Variants in MME observed in about 807,000 individuals in gnomAD.
The protein encoded by MME is neprilysin.
In MME, 98 loss-of-function variants were observed where a neutral mutation model predicts 113.2. The ratio of observed to expected loss-of-function variants is 0.87; its 90% CI spans 0.74 to 1.02. The LOEUF (loss-of-function observed/expected upper bound fraction) is 1.02. MME is among the 50% of genes least tolerant of loss of function. MME has a pLI of 0.00. For synonymous variants in MME, 292 were observed against 300.6 expected, an observed-to-expected ratio of 0.97 and a Z score of 0.30; for missense variants, 836 against 896.0, an observed-to-expected ratio of 0.93 and a Z score of 0.86.
At chr3:155,043,623 C>T (rs761481830) in intron 1 of MME, among the ~76,000 whole-genome samples, 11 of 152,182 alleles carry the variant, frequency 7.2e-5, no homozygotes, top group South Asian at 4.2e-4. Flanking sequence ...TGAGCCACTG[C>T]GTCCAGCCTT....
chr3:155,055,847 T>C (rs1456884181), intron 1 of MME, among the ~76,000 whole-genome samples: 1 of 152,224 alleles, frequency 6.6e-6, no homozygotes, highest in Admixed American at 6.5e-5. Context: ...TTCATTTTTC[T>C]AATTGTATGC....
intron 3 of MME, among the ~76,000 whole-genome samples, chr3:155,104,939 G>A (rs1251559594): frequency 6.6e-6 from 1 of 152,070 alleles, no homozygotes; most frequent in African/African-American, 2.4e-5. Flanking sequence ...AATTGCACCT[G>A]AAAAAGAAAA....
At chr3:155,137,032 T>C (rs1007445796) in intron 8 of MME, among the ~76,000 whole-genome samples, 17 of 152,342 alleles carry the variant, frequency 1.1e-4, no homozygotes, top group Non-Finnish European at 2.9e-5. Context: ...CATTTCCTAG[T>C]GTTCTTGCCA....
chr3:155,100,153 C>T (rs1717081375), intron 3 of MME, among the ~76,000 whole-genome samples: 1 of 152,174 alleles, frequency 6.6e-6, no homozygotes, highest in South Asian at 2.1e-4. Flanking sequence ...ATTTACTCAT[C>T]TGACAAAGGG....
chr3:155,096,616 G>T (rs1442624813), intron 3 of MME, among the ~76,000 whole-genome samples: 3 of 152,164 alleles, frequency 2.0e-5, no homozygotes. Context: ...TAGAAATAAA[G>T]AATGGCTGTG....
chr3:155,070,000 G>A (rs921758154), intron 1 of MME, among the ~76,000 whole-genome samples: 17 of 152,092 alleles, frequency 1.1e-4, no homozygotes, highest in Admixed American at 4.6e-4. Context: ...TGTAACTGCC[G>A]CCTCTACCAA....
intron 1 of MME, among the ~76,000 whole-genome samples, chr3:155,058,385 A>G (rs1170474147): frequency 6.6e-6 from 1 of 152,224 alleles, no homozygotes; most frequent in Admixed American, 6.5e-5. Flanking sequence ...GACAAAGTCC[A>G]GTTCTAAATA....
chr3:155,115,815 T>C (rs779876716), intron 4 of MME, among the ~76,000 whole-genome samples: 1 of 152,202 alleles, frequency 6.6e-6, no homozygotes, highest in Non-Finnish European at 1.5e-5. Flanking sequence ...ACCCAAACCC[T>C]GTGTTAAAGT....
In MME at chr3:155,180,994, AT is replaced by A. The variant is rs1156704274; in HGVS notation, c.*540del. On this transcript the variant is annotated 3_prime_UTR_variant, in exon 23 of 23. Coordinates refer to ENST00000360490, the MANE Select transcript of MME (RefSeq NM_007289.4). ...TTGGAGCTTACATAGTTTTAAACTCATTTTTGCCATACATCAGTTATTCATT... is the reference window on the plus strand; with the variant it reads ...TTGGAGCTTACATAGTTTTAAACTCATTTTGCCATACATCAGTTATTCATT... The A allele has an allele frequency of 1.3e-5, 2 of 156,384 alleles. No homozygotes were observed. The highest frequency in any genetic ancestry group is 3.8e-4 in the South Asian group (2 of 5,222). The allele number at this position is 156,384 out of a possible 1,614,324, so 9.7% of individuals were successfully genotyped here.
At chr3:155,161,417 G>A (rs1722714515) in intron 17 of MME, among the ~76,000 whole-genome samples, 1 of 151,882 alleles carries the variant, frequency 6.6e-6, no homozygotes, top group Admixed American at 6.6e-5. Context: ...ATAGCTCAGA[G>A]TCTGTTGTAA....
At chr3:155,032,685 CA>C (rs746868226) in intron 1 of MME, among the ~76,000 whole-genome samples, 37 of 152,170 alleles carry the variant, frequency 2.4e-4, no homozygotes, top group Non-Finnish European at 7.4e-5. Context: ...ACAGGGATCA[CA>C]GGAGGCTTGC....
At chr3:155,154,063 A>T (rs1229611529) in intron 16 of MME, among the ~76,000 whole-genome samples, 1 of 152,214 alleles carries the variant, frequency 6.6e-6, no homozygotes, top group South Asian at 2.1e-4. Flanking sequence ...ACTTATTAGT[A>T]AAACATTCTC....
chr3:155,066,463 C>T (rs532655368), intron 1 of MME, among the ~76,000 whole-genome samples: 6 of 152,268 alleles, frequency 3.9e-5, no homozygotes, highest in Admixed American at 3.9e-4. Context: ...AGTGGAGGCA[C>T]CTCCTTGTAA....
intron 16 of MME, among the ~76,000 whole-genome samples, chr3:155,158,018 T>A (rs1280705107): frequency 6.6e-6 from 1 of 152,068 alleles, no homozygotes; most frequent in Non-Finnish European, 1.5e-5. Context: ...GGTATGACAT[T>A]TATTTTTACA....
intron 3 of MME, among the ~76,000 whole-genome samples, chr3:155,114,226 A>T (rs61763243): frequency 2.3e-4 from 35 of 152,134 alleles, no homozygotes; most frequent in Non-Finnish European, 4.6e-4. Context: ...TATAGACATT[A>T]TGGGTATTGG....
intron 1 of MME, among the ~76,000 whole-genome samples, chr3:155,042,930 ATATATATATG>A (rs1332618114): frequency 0.029 from 2,048 of 70,408 alleles, 77 homozygotes; most frequent in African/African-American, 0.13. Flanking sequence ...ATATATATAT[ATATATATATG>A]TATATATATA....
chr3:155,074,686 C>T (rs886938960), upstream of MME, among the ~76,000 whole-genome samples: 6 of 152,280 alleles, frequency 3.9e-5, no homozygotes, highest in Middle Eastern at 6.8e-3. Context: ...CCCGCCTCAG[C>T]TTCCCAAAGT....
intron 1 of MME, among the ~76,000 whole-genome samples, chr3:155,031,682 A>G (rs1712975568): frequency 6.6e-6 from 1 of 152,054 alleles, no homozygotes; most frequent in Non-Finnish European, 1.5e-5. Context: ...TTTGAGACAG[A>G]GTTTCGCTCT....
Position 155,172,588 on chromosome 3 carries a change from A to G in MME, c.2129A>G (p.Asp710Gly). Residue 710 changes from aspartate to glycine, a missense_variant, in exon 22 of 23, where the codon GAT (aspartate) becomes GGT (glycine). By Grantham distance (94) the Asp-to-Gly change is moderately conservative. Coordinates refer to ENST00000360490, the MANE Select transcript of MME (RefSeq NM_007289.4). ...TATGCGGTTAACTCCATTAAAACAG[A>G]TGTGCACAGTCCAGGCAATTTCAGG... ...PEYAVNSIKT[D>G]VHSPGNFRII... 3.7e-6 allele frequency: 6 copies of G among 1,612,994 alleles called. No individual in the cohort carries two copies. Among genetic ancestry groups the G allele is most frequent in the Non-Finnish European group, 5.1e-6 (6 of 1,179,176 alleles).
Sources: allele counts gnomAD v4.1 joint callset (sites outside exome capture counted in the v4.1 genomes callset), GRCh38; gene constraint gnomAD v4.1.1; transcripts MANE v1.5; gene names NCBI Gene and HGNC (gene_info 2026-07-23, HGNC 2026-07-21).